LPAR1: variants seen among roughly 807,000 people sequenced by gnomAD.
LPAR1 encodes the protein lysophosphatidic acid receptor 1.
In LPAR1, 5 loss-of-function variants were observed where a neutral mutation model predicts 23.8. The ratio of observed to expected loss-of-function variants is 0.21; its 90% CI spans 0.11 to 0.44. The LOEUF is 0.44. LPAR1 is among the 20% of genes least tolerant of loss of function. The probability of loss-of-function intolerance (pLI) is 0.99; values close to 1 mark genes in which losing one functional copy is unlikely to be tolerated. For missense variants in LPAR1, 311 were observed against 482.8 expected (o/e 0.64, Z 3.33); for synonymous variants, 160 against 164.7 (o/e 0.97, Z 0.22).
Position 110,985,544 on chromosome 9 carries a change from A to AT in LPAR1, c.-181-11987dup. The stretch of plus-strand genomic sequence containing the variant: ...AACACAATTGCGCCTTTTTACATGT[A>AT]TTTTATCAGGTCATGATGGGCCAGG... On this transcript the variant is annotated intron_variant, in intron 2 of 5. Transcript: ENST00000683809. Among the ~76,000 whole-genome samples the AT allele has an allele frequency of 2.0e-5, 3 of 152,168 alleles. No individual in the cohort carries two copies. In the East Asian group the frequency reaches 5.8e-4, roughly 29 times the overall value.
chr9:110,972,188 C>G lies in LPAR1; in HGVS notation c.-71G>C, dbSNP rs185364439. On this transcript the variant is annotated 5_prime_UTR_variant, in exon 4 of 6. It removes the in-frame stop codon of an upstream open reading frame in the 5' UTR. Coordinates refer to ENST00000683809, the MANE Select transcript of LPAR1 (RefSeq NM_001351411.2). ...GAGACAAATTTTCTTGTTTGCTGAT[C>G]AGATCGAAGTCATGCTAGGAGAAGC... 9 of 1,382,350 alleles carry G rather than the reference C, an allele frequency of 6.5e-6. No homozygotes were observed. In the East Asian group the frequency reaches 2.1e-4, roughly 32 times the overall value. The allele number at this position is 1,382,350 out of a possible 1,614,324, so 85.6% of individuals were successfully genotyped here.
intron 5 of LPAR1, among the ~76,000 whole-genome samples, chr9:110,910,017 A>C (rs1588267578): frequency 6.6e-6 from 1 of 152,114 alleles, no homozygotes. Context: ...CCAAAGTGCT[A>C]GGATTATAGG....
At chr9:110,974,369 A>G (rs1471333939) in intron 2 of LPAR1, among the ~76,000 whole-genome samples, 1 of 152,192 alleles carries the variant, frequency 6.6e-6, no homozygotes, top group Non-Finnish European at 1.5e-5. Flanking sequence ...CATTTAATCC[A>G]AGTCCTTTGT....
At chr9:110,893,006 C>A (rs578221822) in intron 5 of LPAR1, among the ~76,000 whole-genome samples, 1 of 152,064 alleles carries the variant, frequency 6.6e-6, no homozygotes, top group African/African-American at 2.4e-5. Context: ...TGTTAGCAAG[C>A]GCTTTGGCTT....
intron 5 of LPAR1, among the ~76,000 whole-genome samples, chr9:110,910,950 T>C (rs1421317744): frequency 2.0e-5 from 3 of 152,176 alleles, no homozygotes; most frequent in Non-Finnish European, 2.9e-5. Context: ...TATATTCTGG[T>C]TGTCAGTGTT....
chr9:111,015,451 C>T (rs1186111802), intron 2 of LPAR1, among the ~76,000 whole-genome samples: 1 of 152,118 alleles, frequency 6.6e-6, no homozygotes, highest in Non-Finnish European at 1.5e-5. Context: ...TAAGATATCT[C>T]AGTACTATAC....
Position 111,007,234 on chromosome 9 carries a change from TC to T in LPAR1, c.-182+28887del, listed in dbSNP as rs542874156. Among the ~76,000 whole-genome samples the T allele has an allele frequency of 9.8e-4, 149 of 152,252 alleles. No individual in the cohort carries two copies. The Middle Eastern group carries it at 0.01, about 10-fold the overall frequency. The stretch of plus-strand genomic sequence containing the variant: ...AATTGTGAGCCAATTAAATTTCTTT[TC>T]TTTATAAATTACCCAGTCTTAGGTA... On this transcript the variant is annotated intron_variant, in intron 2 of 5. Transcript: ENST00000683809.
At chr9:110,906,366 G>A (rs559541241) in intron 5 of LPAR1, among the ~76,000 whole-genome samples, 54 of 152,154 alleles carry the variant, frequency 3.5e-4, no homozygotes, top group African/African-American at 1.2e-3. Context: ...TGACACTGGT[G>A]ATGTTTTTAA....
intron 2 of LPAR1, among the ~76,000 whole-genome samples, chr9:110,998,380 T>C (rs1028238473): frequency 1.3e-5 from 2 of 152,202 alleles, no homozygotes; most frequent in Non-Finnish European, 2.9e-5. Flanking sequence ...CTGAAGGTCA[T>C]TCCACCTGGT....
At chr9:110,938,840 C>T (rs148095277) in intron 5 of LPAR1, among the ~76,000 whole-genome samples, 55 of 152,230 alleles carry the variant, frequency 3.6e-4, no homozygotes, top group African/African-American at 1.3e-3. Context: ...TGCCACTGCA[C>T]TCCAGCCTGG....
At chr9:111,034,287 C>T (rs1197608325) in intron 2 of LPAR1, among the ~76,000 whole-genome samples, 1 of 152,122 alleles carries the variant, frequency 6.6e-6, no homozygotes. Context: ...CTGCAAATAC[C>T]CAATCACTGT....
chr9:110,897,450 C>T (rs147120998), intron 5 of LPAR1, among the ~76,000 whole-genome samples: 4 of 152,308 alleles, frequency 2.6e-5, no homozygotes, highest in African/African-American at 7.2e-5. Context: ...TGCTCAGTCT[C>T]GGGTATGTCT....
chr9:110,975,604 T>C (rs1444990207), intron 2 of LPAR1, among the ~76,000 whole-genome samples: 2 of 152,192 alleles, frequency 1.3e-5, no homozygotes, highest in East Asian at 1.9e-4. Flanking sequence ...GGAAAGCACA[T>C]GGAATCTTTA....
At chr9:110,890,226 CAATT>C (rs2083672890) in intron 5 of LPAR1, among the ~76,000 whole-genome samples, 1 of 152,012 alleles carries the variant, frequency 6.6e-6, no homozygotes, top group African/African-American at 2.4e-5. Context: ...CAAACTATGA[CAATT>C]GATGTAATAG....
At position 110,902,326 on chromosome 9, in the gene LPAR1, C is replaced by T. The variant is rs375430611; in HGVS notation, c.794-26604G>A. 6.6e-5 allele frequency among the ~76,000 whole-genome samples: 10 copies of T among 152,102 alleles called. No homozygotes were observed. The East Asian group carries it at 9.7e-4, about 15-fold the overall frequency. On this transcript the variant is annotated intron_variant, in intron 5 of 5. Transcript: ENST00000683809. ...TTGAATTGTAGTTCCCATAATCCCG[C>T]GTTGTGAGGGACCTGGTGGGAGGTT...
At chr9:111,034,260 A>T (rs1316820494) in intron 2 of LPAR1, among the ~76,000 whole-genome samples, 1 of 152,202 alleles carries the variant, frequency 6.6e-6, no homozygotes, top group Admixed American at 6.5e-5. Context: ...ACTAATAATA[A>T]TTCTTTTTCT....
In LPAR1 at chr9:110,926,572, G is replaced by A. The variant is rs2094048830; in HGVS notation, c.793+14849C>T. On this transcript the variant is annotated intron_variant, in intron 5 of 5. Transcript: ENST00000683809. ...AATTTACAGGTGACAAATTTTCCTA[G>A]GGTGATAAAACTAATTAGTGTGGAT... Among the ~76,000 whole-genome samples, 3 of 152,100 alleles carry A rather than the reference G, an allele frequency of 2.0e-5. No homozygotes were observed. The South Asian group carries it at 6.2e-4, about 32-fold the overall frequency.
chr9:110,878,989 C>T (rs549290074), intron 5 of LPAR1, among the ~76,000 whole-genome samples: 1 of 152,188 alleles, frequency 6.6e-6, no homozygotes, highest in South Asian at 2.1e-4. Flanking sequence ...CCATCACCTA[C>T]CAAGATGGGG....
At chr9:110,937,880 A>G (rs541243208) in intron 5 of LPAR1, among the ~76,000 whole-genome samples, 1 of 152,316 alleles carries the variant, frequency 6.6e-6, no homozygotes, top group African/African-American at 2.4e-5. Context: ...AAGTAAAACA[A>G]ACATATTATT....
Sources: gnomAD v4.1 joint callset for allele counts (sites outside exome capture counted in the v4.1 genomes callset) on GRCh38, gnomAD v4.1.1 for gene constraint, MANE v1.5 for transcripts, NCBI Gene and HGNC (gene_info 2026-07-23, HGNC 2026-07-21) for gene names.